Variants in AK8 observed in about 807,000 individuals in gnomAD.
The protein encoded by AK8 is adenylate kinase 8.
Under a neutral mutation model 54.6 loss-of-function variants are expected in AK8, and 44 were observed. The ratio of observed to expected loss-of-function variants is 0.81; its 90% CI spans 0.63 to 1.04. The LOEUF (loss-of-function observed/expected upper bound fraction) is 1.04. AK8 is among the 50% of genes least tolerant of loss of function. The probability of loss-of-function intolerance (pLI) is 0.00; values close to 1 mark genes in which losing one functional copy is unlikely to be tolerated. For synonymous variants in AK8, 239 were observed against 245.6 expected (o/e 0.97, Z 0.25); for missense variants, 555 against 613.6 (o/e 0.90, Z 1.01).
chr9:132,735,665 T>C (rs1312442083), intron 11 of AK8, among the ~76,000 whole-genome samples: 1 of 152,234 alleles, frequency 6.6e-6, no homozygotes, highest in Non-Finnish European at 1.5e-5. Flanking sequence ...AATGCTATGC[T>C]GGCTCCTCGA....
chr9:132,770,125 C>A lies in AK8; in HGVS notation c.1121+22509G>T, dbSNP rs1018599990. 2.6e-5 allele frequency: 4 copies of A among 152,282 alleles called. No individual in the cohort carries two copies. The highest frequency in any genetic ancestry group is 9.6e-5 in the African/African-American group (4 of 41,472). The allele number at this position is 152,282 out of a possible 1,614,324, so 9.4% of individuals were successfully genotyped here. On this transcript the variant is annotated intron_variant, in intron 11 of 12. Coordinates refer to ENST00000298545, the MANE Select transcript of AK8 (RefSeq NM_152572.3). The surrounding 1 kb of genome is among the most constrained non-coding windows in gnomAD (Gnocchi z 4.3). Reference sequence around the variant, plus strand: ...CCATTGTCACAGCCCACTGTCCCCACCCATCGTGGGGACCGGGCTAGGGAG... The same window carrying A: ...CCATTGTCACAGCCCACTGTCCCCAACCATCGTGGGGACCGGGCTAGGGAG...
chr9:132,835,992 G>A (rs1396425170), intron 5 of AK8, among the ~76,000 whole-genome samples: 5 of 152,106 alleles, frequency 3.3e-5, no homozygotes, highest in Non-Finnish European at 7.4e-5. Flanking sequence ...ACATGGTGGC[G>A]CATGCCTGTA....
chr9:132,779,307 CTTTA>C (rs1564397147), intron 11 of AK8, among the ~76,000 whole-genome samples: 1 of 152,126 alleles, frequency 6.6e-6, no homozygotes, highest in Non-Finnish European at 1.5e-5. Flanking sequence ...GCTGTGTGTG[CTTTA>C]TTTATTTATG....
At chr9:132,779,589 G>A (rs1839375060) in intron 11 of AK8, among the ~76,000 whole-genome samples, 1 of 152,240 alleles carries the variant, frequency 6.6e-6, no homozygotes, top group Non-Finnish European at 1.5e-5. Context: ...GCACTCACGT[G>A]CAGAGCAGGT....
chr9:132,864,736 C>G (rs1264231094), intron 3 of AK8, among the ~76,000 whole-genome samples: 1 of 152,214 alleles, frequency 6.6e-6, no homozygotes, highest in African/African-American at 2.4e-5. Context: ...CAAACTCGAT[C>G]GCTTCAGCCA....
At chr9:132,831,291 G>A (rs1488677239) in intron 5 of AK8, among the ~76,000 whole-genome samples, 1 of 151,928 alleles carries the variant, frequency 6.6e-6, no homozygotes, top group Non-Finnish European at 1.5e-5. Flanking sequence ...AACATTAAAT[G>A]TGTAGATCAA....
At chr9:132,848,979 G>A (rs1842865862) in intron 5 of AK8, among the ~76,000 whole-genome samples, 2 of 149,682 alleles carry the variant, frequency 1.3e-5, no homozygotes, top group African/African-American at 5.0e-5. Context: ...CGTGATCTCG[G>A]CTCACTGCAA....
At chr9:132,871,423 G>C (rs1843826187) in intron 2 of AK8, among the ~76,000 whole-genome samples, 3 of 152,174 alleles carry the variant, frequency 2.0e-5, no homozygotes, top group Admixed American at 6.5e-5. Context: ...GTTGGGGCTT[G>C]AGCCAAAGGA....
chr9:132,849,098 C>T (rs942931335), intron 5 of AK8, among the ~76,000 whole-genome samples: 2 of 151,786 alleles, frequency 1.3e-5, no homozygotes, highest in African/African-American at 4.8e-5. Context: ...TTAGTAGAGA[C>T]GAGGTTTCAC....
chr9:132,748,031 G>A (rs2131002483), intron 11 of AK8, among the ~76,000 whole-genome samples: 1 of 151,618 alleles, frequency 6.6e-6, no homozygotes, highest in Non-Finnish European at 1.5e-5. Flanking sequence ...CCCAAGAGGT[G>A]GAGGTTGCAG....
chr9:132,857,861 T>C (rs1319972307), intron 4 of AK8, among the ~76,000 whole-genome samples: 1 of 152,228 alleles, frequency 6.6e-6, no homozygotes, highest in Non-Finnish European at 1.5e-5. Context: ...CCCGCCACTG[T>C]GCTGTCTCCA....
intron 5 of AK8, among the ~76,000 whole-genome samples, chr9:132,841,429 G>A (rs1348253725): frequency 2.6e-5 from 4 of 152,242 alleles, no homozygotes; most frequent in Non-Finnish European, 4.4e-5. Flanking sequence ...AGCGGCGTGG[G>A]GGTAGCATCC....
In AK8 at chr9:132,727,465, G is replaced by C; in HGVS notation, c.1191C>G (p.Val397=). 1 of 1,614,026 alleles carries C rather than the reference G, an allele frequency of 6.2e-7. No homozygotes were observed. The highest frequency in any genetic ancestry group is 8.5e-7 in the Non-Finnish European group (1 of 1,179,978). The part of the protein sequence containing the change: ...ERLTLRRIDP[V]TGERYHLMYK... ...AACACAGCACAAACCTTTCCCCAGT[G>C]ACTGGATCAATTCTTCTCAGAGTCA... The change falls in exon 12 of 13, where the codon GTC becomes GTG. Residue 397 remains valine (V), a synonymous_variant. Coordinates refer to ENST00000298545, the MANE Select transcript of AK8 (RefSeq NM_152572.3).
intron 10 of AK8, among the ~76,000 whole-genome samples, chr9:132,797,307 A>G (rs1317147076): frequency 6.6e-6 from 1 of 152,030 alleles, no homozygotes; most frequent in East Asian, 1.9e-4. Flanking sequence ...GAAGGAAGGA[A>G]GGAAGGGAGG....
chr9:132,833,888 G>C (rs887963130), intron 5 of AK8, among the ~76,000 whole-genome samples: 28 of 152,264 alleles, frequency 1.8e-4, no homozygotes, highest in African/African-American at 6.3e-4. Context: ...GGAAGGCTCT[G>C]TTGCCCTCTG....
At chr9:132,769,322 T>C (rs1043369203) in intron 11 of AK8, 1 of 152,220 alleles carries the variant, frequency 6.6e-6, no homozygotes, top group Non-Finnish European at 1.5e-5. Context: ...CTCTAAGGAT[T>C]CTTCAAGCTC....
At chr9:132,831,355 G>C in intron 5 of AK8, among the ~76,000 whole-genome samples, 1 of 152,042 alleles carries the variant, frequency 6.6e-6, no homozygotes, top group African/African-American at 2.4e-5. Context: ...ATCGTCTCAT[G>C]TGCTTAAGTT....
rs149912881 is a variant in AK8, at chr9:132,858,903, G to A, written c.334-3978C>T. The stretch of plus-strand genomic sequence containing the variant: ...GTGGCAGCAAGAGAAACCCTGGACT[G>A]GATGAAGGCCAGGAAATTTTCACAG... On this transcript the variant is annotated intron_variant, in intron 4 of 12. Transcript: ENST00000298545. 3.6e-3 allele frequency among the ~76,000 whole-genome samples: 554 copies of A among 152,328 alleles called. 5 individuals carry two copies. The highest frequency in any genetic ancestry group is 0.013 in the African/African-American group (531 of 41,578).
chr9:132,740,637 G>A (rs376686843), intron 11 of AK8, among the ~76,000 whole-genome samples: 2 of 152,138 alleles, frequency 1.3e-5, no homozygotes, highest in Admixed American at 1.3e-4. Flanking sequence ...GCTCTGGTCG[G>A]CTCCCCGTTT....
Sources: gnomAD v4.1 joint callset for allele counts (sites outside exome capture counted in the v4.1 genomes callset) on GRCh38, gnomAD v4.1.1 for gene constraint, Gnocchi (gnomAD v3.1) non-coding constraint, MANE v1.5 for transcripts, NCBI Gene and HGNC (gene_info 2026-07-23, HGNC 2026-07-21) for gene names.